CCDC85C: variants seen among roughly 807,000 people sequenced by gnomAD.
The protein encoded by CCDC85C is coiled-coil domain-containing protein 85C.
Under a neutral mutation model 38.3 loss-of-function variants are expected in CCDC85C, and 18 were observed. The observed-to-expected ratio is 0.47, with a 90% CI of 0.33 to 0.70. CCDC85C has a LOEUF of 0.70. Among genes scored for constraint, CCDC85C ranks in the 30% least tolerant of loss-of-function variants. The probability of loss-of-function intolerance (pLI) is 0.03; values close to 1 mark genes in which losing one functional copy is unlikely to be tolerated. For missense variants in CCDC85C, 566 were observed against 621.2 expected, an observed-to-expected ratio of 0.91 and a Z score of 0.94; for synonymous variants, 264 against 293.8, an observed-to-expected ratio of 0.90 and a Z score of 1.04.
chr14:99,566,978 G>A (rs1255180834), intron 1 of CCDC85C, among the ~76,000 whole-genome samples: 1 of 152,214 alleles, frequency 6.6e-6, no homozygotes, highest in Non-Finnish European at 1.5e-5. Context: ...CAGAAAACCA[G>A]AAGGCAGCGC....
Position 99,501,047 on chromosome 14 carries a change from G to T in CCDC85C, c.*14199C>A. 1.6e-6 allele frequency: 1 copy of T among 609,778 alleles called. No individual in the cohort carries two copies. The highest frequency in any genetic ancestry group is 1.9e-5 in the African/African-American group (1 of 53,632). The allele number at this position is 609,778 out of a possible 1,614,324, so 37.8% of individuals were successfully genotyped here. A position where few individuals can be genotyped will look rare whatever the true frequency, so the allele number is the denominator to read the frequency against. On this transcript the variant is annotated 3_prime_UTR_variant, in exon 6 of 6. Transcript: ENST00000380243. ...AGCTGCTAATGCTGTTTCCTTTTAT[G>T]TATAAACAGGCTCTGTCATCCAGTT...
At position 99,503,435 on chromosome 14, in the gene CCDC85C, AAT is replaced by A; in HGVS notation, c.*11809_*11810del. 1.6e-6 allele frequency: 1 copy of A among 613,524 alleles called. No homozygotes were observed. Among genetic ancestry groups the A allele is most frequent in the Non-Finnish European group, 2.9e-6 (1 of 343,310 alleles). The allele number at this position is 613,524 out of a possible 1,614,324, so 38.0% of individuals were successfully genotyped here. A position where few individuals can be genotyped will look rare whatever the true frequency, so the allele number is the denominator to read the frequency against. ...TAAATGGAAAGAGGAAGGGAGCAGA[AAT>A]GATGATCTGGTAGGTGCCGTGGTTT... On this transcript the variant is annotated 3_prime_UTR_variant, in exon 6 of 6. Coordinates refer to ENST00000380243, the MANE Select transcript of CCDC85C (RefSeq NM_001144995.2).
intron 1 of CCDC85C, among the ~76,000 whole-genome samples, chr14:99,597,364 A>C (rs750196322): frequency 6.6e-6 from 1 of 152,096 alleles, no homozygotes; most frequent in Non-Finnish European, 1.5e-5. Flanking sequence ...GAACACACAC[A>C]TTCAAAGCTG....
chr14:99,573,054 A>C, intron 1 of CCDC85C: 2 of 331,322 alleles, frequency 6.0e-6, no homozygotes, highest in Admixed American at 3.8e-5. Context: ...GGTGCTAAAA[A>C]TGAGAGGGGA....
Position 99,535,652 on chromosome 14 carries a change from C to A in CCDC85C, c.867+363G>T, listed in dbSNP as rs544340921. The stretch of plus-strand genomic sequence containing the variant: ...GAGGTACCGGCCAGTGAGTCCAGCA[C>A]GGCAGAGGCGGGGAGGCTTCCGTGT... On this transcript the variant is annotated intron_variant, in intron 2 of 5. Coordinates refer to ENST00000380243, the MANE Select transcript of CCDC85C (RefSeq NM_001144995.2). The surrounding 1 kb of genome is among the most constrained non-coding windows in gnomAD (Gnocchi z 5.5). Among the ~76,000 whole-genome samples, 1 of 152,238 alleles carries A rather than the reference C, an allele frequency of 6.6e-6. No individual in the cohort carries two copies. The highest frequency in any genetic ancestry group is 2.4e-5 in the African/African-American group (1 of 41,510).
intron 1 of CCDC85C, among the ~76,000 whole-genome samples, chr14:99,581,764 T>C (rs2054972905): frequency 6.6e-6 from 1 of 152,172 alleles, no homozygotes; most frequent in African/African-American, 2.4e-5. Flanking sequence ...TGACGACCCT[T>C]TGTAAATGGC....
At position 99,569,432 on chromosome 14, in the gene CCDC85C, T is replaced by C. The variant is rs909421186; in HGVS notation, c.794-33344A>G. Among the ~76,000 whole-genome samples, 1 of 152,184 alleles carries C rather than the reference T, an allele frequency of 6.6e-6. No individual in the cohort carries two copies. Among genetic ancestry groups the C allele is most frequent in the African/African-American group, 2.4e-5 (1 of 41,440 alleles). ...CACCTGGGCCCCAGCTCCGCCAGGC[T>C]GCCCTGCCCCACAGAGGCACCCACC... On this transcript the variant is annotated intron_variant, in intron 1 of 5. Transcript: ENST00000380243. The surrounding 1 kb of genome is among the most constrained non-coding windows in gnomAD (Gnocchi z 4.3).
In CCDC85C at chr14:99,569,771, G is replaced by GAGGGATCTAGACCCAGGC. The variant is rs1237956381; in HGVS notation, c.793+33378_793+33395dup. On this transcript the variant is annotated intron_variant, in intron 1 of 5. Transcript: ENST00000380243. The surrounding 1 kb of genome is among the most constrained non-coding windows in gnomAD (Gnocchi z 4.3). The stretch of plus-strand genomic sequence containing the variant: ...GTGCAATGCTCCAAGGCGACGCAGG[G>GAGGGATCTAGACCCAGGC]AGGGATCTAGACCCAGGCAGGACTG... Among the ~76,000 whole-genome samples the GAGGGATCTAGACCCAGGC allele has an allele frequency of 6.6e-6, 1 of 152,192 alleles. No individual in the cohort carries two copies. Among genetic ancestry groups the GAGGGATCTAGACCCAGGC allele is most frequent in the Non-Finnish European group, 1.5e-5 (1 of 68,032 alleles).
rs565861187 is a variant in CCDC85C at position 99,511,097 on chromosome 14, T to G, written c.*4149A>C. 2 of 213,356 alleles carry G rather than the reference T, an allele frequency of 9.4e-6. No homozygotes were observed. Among genetic ancestry groups the G allele is most frequent in the East Asian group, 1.9e-4 (2 of 10,302 alleles). 13.2% of individuals were successfully genotyped at this position (213,356 alleles called of 1,614,324 possible). A position where few individuals can be genotyped will look rare whatever the true frequency, so the allele number is the denominator to read the frequency against. On this transcript the variant is annotated 3_prime_UTR_variant, in exon 6 of 6. Transcript: ENST00000380243. ...TAACCAGCCATATTGGCTCAATAAA[T>G]AGCTTCGGTAAGGAGTTAATTTCCT... is the stretch of plus-strand genomic sequence containing the variant.
rs574194474 is a variant in CCDC85C, at chr14:99,544,123, G to A, written c.794-8035C>T. 2.0e-5 allele frequency among the ~76,000 whole-genome samples: 3 copies of A among 152,128 alleles called. No homozygotes were observed. The highest frequency in any genetic ancestry group is 4.4e-5 in the Non-Finnish European group (3 of 68,026). ...AACCCCATCACACCAAGCTGACGAG[G>A]GACATCCTGTAACTGCTACCACTGT... On this transcript the variant is annotated intron_variant, in intron 1 of 5. Coordinates refer to ENST00000380243, the MANE Select transcript of CCDC85C (RefSeq NM_001144995.2). This position sits in a 1 kb window ranked among gnomAD's most constrained non-coding sequence, Gnocchi z 5.3.
chr14:99,528,808 A>AG (rs1897438236), intron 2 of CCDC85C, among the ~76,000 whole-genome samples: 1 of 151,448 alleles, frequency 6.6e-6, no homozygotes, highest in Non-Finnish European at 1.5e-5. Context: ...ACTCATTTGT[A>AG]GGGGGGAACA....
Position 99,533,049 on chromosome 14 carries a change from TG to T in CCDC85C, c.867+2965del, listed in dbSNP as rs1330061393. Among the ~76,000 whole-genome samples the T allele has an allele frequency of 6.6e-6, 1 of 152,220 alleles. No homozygotes were observed. Among genetic ancestry groups the T allele is most frequent in the East Asian group, 1.9e-4 (1 of 5,192 alleles). ...CGCCCACCTCAGCCTCCCAAAGTGC[TG>T]GGGTTACAGGTGTGAGCCACCACAC... On this transcript the variant is annotated intron_variant, in intron 2 of 5. Transcript: ENST00000380243. This position sits in a 1 kb window ranked among gnomAD's most constrained non-coding sequence, Gnocchi z 4.2.
rs1898369680 is a variant in CCDC85C, at chr14:99,572,413, AC to A, written c.793+30753del. ...GTCTCAGCCTGCAATCCCGGCTCCC[AC>A]CCCCACCCCAAGGCCCTGCTCCACA... On this transcript the variant is annotated intron_variant, in intron 1 of 5. Coordinates refer to ENST00000380243, the MANE Select transcript of CCDC85C (RefSeq NM_001144995.2). This position sits in a 1 kb window ranked among gnomAD's most constrained non-coding sequence, Gnocchi z 4.4. 1.6e-5 allele frequency among the ~76,000 whole-genome samples: 2 copies of A among 127,032 alleles called. No homozygotes were observed. The highest frequency in any genetic ancestry group is 6.0e-5 in the African/African-American group (2 of 33,346). 83.3% of individuals were successfully genotyped at this position (127,032 alleles called of 152,430 possible). A position where few individuals can be genotyped will look rare whatever the true frequency, so the allele number is the denominator to read the frequency against.
intron 1 of CCDC85C, among the ~76,000 whole-genome samples, chr14:99,591,568 CG>C (rs59709185): frequency 0.084 from 12,740 of 152,050 alleles, 1,067 homozygotes; most frequent in African/African-American, 0.21. Context: ...GGAGGCAGGA[CG>C]GGGGGGCCAC....
chr14:99,553,950 C>T (rs1347886557), intron 1 of CCDC85C, among the ~76,000 whole-genome samples: 3 of 152,176 alleles, frequency 2.0e-5, no homozygotes, highest in African/African-American at 4.8e-5. Context: ...TCCTGCCTCT[C>T]CCATCCCAGG....
chr14:99,572,971 G>A lies in CCDC85C; in HGVS notation c.793+30196C>T. 2.6e-6 allele frequency: 1 copy of A among 383,610 alleles called. No individual in the cohort carries two copies. Among genetic ancestry groups the A allele is most frequent in the South Asian group, 1.9e-5 (1 of 52,172 alleles). 23.8% of individuals were successfully genotyped at this position (383,610 alleles called of 1,614,324 possible). ...CCTTCGCCTCCTACAAGATAGGATGGCAGCAGCCTCAGAGCAGAAGGCACC... is the reference window on the plus strand; with the variant it reads ...CCTTCGCCTCCTACAAGATAGGATGACAGCAGCCTCAGAGCAGAAGGCACC... On this transcript the variant is annotated intron_variant, in intron 1 of 5. Coordinates refer to ENST00000380243, the MANE Select transcript of CCDC85C (RefSeq NM_001144995.2). This position sits in a 1 kb window ranked among gnomAD's most constrained non-coding sequence, Gnocchi z 4.4.
At position 99,509,921 on chromosome 14, in the gene CCDC85C, G is replaced by C; in HGVS notation, c.*5325C>G. On this transcript the variant is annotated 3_prime_UTR_variant, in exon 6 of 6. Coordinates refer to ENST00000380243, the MANE Select transcript of CCDC85C (RefSeq NM_001144995.2). ...ACTGCCTGTAGGTGGTGTGGTCAGG[G>C]CTGAGGGAGGGAAAACCCCAGGTCG... 2 of 590,116 alleles carry C rather than the reference G, an allele frequency of 3.4e-6. No homozygotes were observed. Among genetic ancestry groups the C allele is most frequent in the Non-Finnish European group, 6.0e-6 (2 of 332,092 alleles). The allele number at this position is 590,116 out of a possible 1,614,324, so 36.6% of individuals were successfully genotyped here. A position where few individuals can be genotyped will look rare whatever the true frequency, so the allele number is the denominator to read the frequency against.
At chr14:99,568,253 T>TA (rs1378731240) in intron 1 of CCDC85C, among the ~76,000 whole-genome samples, 1 of 134,270 alleles carries the variant, frequency 7.4e-6, no homozygotes, top group Non-Finnish European at 1.6e-5. Flanking sequence ...GCCCTTTATT[T>TA]TTTTTTTTTT....
chr14:99,560,318 G>T (rs1043079923), intron 1 of CCDC85C, among the ~76,000 whole-genome samples: 3 of 152,204 alleles, frequency 2.0e-5, no homozygotes, highest in African/African-American at 4.8e-5. Context: ...GGTCTGGGCC[G>T]GGAGAGCCTA....
Sources: gnomAD v4.1 joint callset for allele counts (sites outside exome capture counted in the v4.1 genomes callset) on GRCh38, gnomAD v4.1.1 for gene constraint, Gnocchi (gnomAD v3.1) non-coding constraint, MANE v1.5 for transcripts, NCBI Gene and HGNC (gene_info 2026-07-23, HGNC 2026-07-21) for gene names.